The following MATN2 variants were observed in gnomAD, a reference collection of about 807,000 sequenced individuals.
MATN2 encodes the protein matrilin-2.
In MATN2, 69 loss-of-function variants were observed where a neutral mutation model predicts 103.2. The ratio of observed to expected loss-of-function variants is 0.67; its 90% confidence interval spans 0.55 to 0.82. MATN2 has a LOEUF of 0.82. Ranked by LOEUF, MATN2 falls within the 40% of genes least tolerant of loss-of-function variation. The pLI is 0.00. For missense variants in MATN2, 1,023 were observed against 1,211.5 expected (o/e 0.84, Z 2.31); for synonymous variants, 429 against 450.2 (o/e 0.95, Z 0.60).
At chr8:97,943,101 C>G (rs1453092425) in intron 4 of MATN2, among the ~76,000 whole-genome samples, 1 of 152,062 alleles carries the variant, frequency 6.6e-6, no homozygotes, top group Non-Finnish European at 1.5e-5. Flanking sequence ...TCCTCAAAAT[C>G]CATAACAAAA....
chr8:97,904,633 T>A (rs1434354202), intron 2 of MATN2, among the ~76,000 whole-genome samples: 1 of 152,210 alleles, frequency 6.6e-6, no homozygotes, highest in Non-Finnish European at 1.5e-5. Flanking sequence ...GCTTGCCTTA[T>A]CTCTTTTGTC....
intron 6 of MATN2, among the ~76,000 whole-genome samples, chr8:97,983,983 C>A (rs1812112932): frequency 6.6e-6 from 1 of 152,182 alleles, no homozygotes. Context: ...AGAAGAACTA[C>A]AAAGTATCGG....
At chr8:97,899,792 G>T (rs1170863159) in intron 2 of MATN2, among the ~76,000 whole-genome samples, 1 of 152,184 alleles carries the variant, frequency 6.6e-6, no homozygotes, top group Non-Finnish European at 1.5e-5. Flanking sequence ...AAGCTGCTTT[G>T]CTTTTCACTT....
Position 97,904,581 on chromosome 8 carries a change from C to T in MATN2, c.142+16339C>T, listed in dbSNP as rs1190529673. On this transcript the variant is annotated intron_variant, in intron 2 of 18. Coordinates refer to ENST00000254898, the MANE Select transcript of MATN2 (RefSeq NM_002380.5). ...CTCTTGAGTTTCTCTGATAATATCT[C>T]GCATATGTGAAAAAGCCGTACAGTT... is the stretch of plus-strand genomic sequence containing the variant. Among the ~76,000 whole-genome samples, 6 of 152,140 alleles carry T rather than the reference C, an allele frequency of 3.9e-5. No homozygotes were observed. The South Asian group carries it at 8.3e-4, about 21-fold the overall frequency.
At position 97,931,546 on chromosome 8, in the gene MATN2, C is replaced by T. The variant is rs1304328368; in HGVS notation, c.712+24C>T. The T allele has an allele frequency of 6.4e-7, 1 of 1,554,792 alleles. No homozygotes were observed. The highest frequency in any genetic ancestry group is 1.2e-5 in the South Asian group (1 of 82,140). ...CAGTAAGTCCTGCTCCTTTGTCACT[C>T]TTCTAGAGGAACCACTAGAATTCAT... On this transcript the variant is annotated intron_variant, in intron 3 of 18. Transcript: ENST00000254898. This position sits in a 1 kb window ranked among gnomAD's most constrained non-coding sequence, Gnocchi z 4.1.
chr8:98,016,690 C>G, intron 11 of MATN2, 28 bp downstream of exon 11: 1 of 1,604,158 alleles, frequency 6.2e-7, no homozygotes, highest in Non-Finnish European at 8.5e-7. Flanking sequence ...CTGGCTCCTA[C>G]TACTATGCCA....
At chr8:97,951,286 G>A (rs1338358129) in intron 4 of MATN2, among the ~76,000 whole-genome samples, 1 of 152,160 alleles carries the variant, frequency 6.6e-6, no homozygotes, top group East Asian at 1.9e-4. Context: ...GGTGAGTAGA[G>A]CCCCATGGGA....
At chr8:97,877,395 T>C (rs543502751) in intron 1 of MATN2, among the ~76,000 whole-genome samples, 3 of 151,828 alleles carry the variant, frequency 2.0e-5, no homozygotes, top group Non-Finnish European at 4.4e-5. Context: ...GAGAATTGCT[T>C]GAACCCGGGA....
chr8:98,004,578 CCTGGTGCCTGGCA>C (rs1309259785), intron 8 of MATN2, among the ~76,000 whole-genome samples: 1 of 152,190 alleles, frequency 6.6e-6, no homozygotes, highest in Non-Finnish European at 1.5e-5. Flanking sequence ...GATATGTTAG[CCTGGTGCCTGGCA>C]CAGGGTAAAC....
chr8:97,949,900 C>CA (rs1036091890), intron 4 of MATN2, among the ~76,000 whole-genome samples: 1 of 152,038 alleles, frequency 6.6e-6, no homozygotes, highest in African/African-American at 2.4e-5. Context: ...AAACCAGACC[C>CA]AAAAAAACCA....
At chr8:97,876,259 G>C (rs950843281) in intron 1 of MATN2, among the ~76,000 whole-genome samples, 1 of 146,748 alleles carries the variant, frequency 6.8e-6, no homozygotes, top group Non-Finnish European at 1.5e-5. Flanking sequence ...GCGCAATCTC[G>C]GCTCACTGCA....
At chr8:97,962,963 G>C (rs764113683) in intron 5 of MATN2, among the ~76,000 whole-genome samples, 1 of 151,998 alleles carries the variant, frequency 6.6e-6, no homozygotes, top group African/African-American at 2.4e-5. Flanking sequence ...GGCGAAACCC[G>C]GTCTCTACTA....
chr8:97,933,256 T>TA (rs1324107584), intron 3 of MATN2, among the ~76,000 whole-genome samples: 2 of 152,240 alleles, frequency 1.3e-5, no homozygotes, highest in Non-Finnish European at 2.9e-5. Context: ...TGTTGTGGCC[T>TA]AAGTCAGCTG....
At chr8:97,943,003 A>ATGTGT (rs1810620728) in intron 4 of MATN2, among the ~76,000 whole-genome samples, 1 of 152,016 alleles carries the variant, frequency 6.6e-6, no homozygotes, top group South Asian at 2.1e-4. Context: ...GGTGGGCGGT[A>ATGTGT]TGTGTTCTTA....
intron 11 of MATN2, among the ~76,000 whole-genome samples, chr8:98,017,312 TGCCTTTCAGAAGGCAAA>T (rs1288581485): frequency 2.0e-5 from 3 of 152,244 alleles, no homozygotes; most frequent in Non-Finnish European, 4.4e-5. Flanking sequence ...AAGCCAGTTT[TGCCTTTCAGAAGGCAAA>T]GCCTCTTAGA....
At chr8:97,886,227 C>A (rs1244005395) in intron 1 of MATN2, among the ~76,000 whole-genome samples, 1 of 152,062 alleles carries the variant, frequency 6.6e-6, no homozygotes, top group Non-Finnish European at 1.5e-5. Flanking sequence ...CCACTGATTC[C>A]TACATTATGT....
chr8:98,020,850 G>A (rs995802911), intron 12 of MATN2, among the ~76,000 whole-genome samples: 20 of 152,166 alleles, frequency 1.3e-4, no homozygotes, highest in Non-Finnish European at 2.4e-4. Context: ...TAAGTACTTC[G>A]AAGAGTTTAA....
intron 5 of MATN2, among the ~76,000 whole-genome samples, chr8:97,970,405 C>T (rs1263488410): frequency 6.6e-6 from 1 of 152,168 alleles, no homozygotes; most frequent in African/African-American, 2.4e-5. Context: ...TCAAGTCCTG[C>T]CTCCTACCTC....
intron 1 of MATN2, among the ~76,000 whole-genome samples, chr8:97,870,207 C>G (rs1250277205): frequency 6.6e-6 from 1 of 152,078 alleles, no homozygotes; most frequent in Non-Finnish European, 1.5e-5. Context: ...GTAATACCCA[C>G]AGAACTGTGA....
Sources: allele counts gnomAD v4.1 joint callset (sites outside exome capture counted in the v4.1 genomes callset), GRCh38; gene constraint gnomAD v4.1.1; non-coding constraint Gnocchi (gnomAD v3.1); transcripts MANE v1.5; gene names NCBI Gene and HGNC (gene_info 2026-07-23, HGNC 2026-07-21).